Variants in SH2D4B observed in about 807,000 individuals in gnomAD.
SH2D4B encodes SH2 domain-containing protein 4B.
SH2D4B carries 45 observed loss-of-function variants against 61.5 expected under a neutral mutation model. The ratio of observed to expected loss-of-function variants is 0.73; its 90% CI spans 0.58 to 0.94. The LOEUF (loss-of-function observed/expected upper bound fraction) is 0.94, where lower values mean the gene tolerates loss of function less well. Ranked by LOEUF, SH2D4B falls within the 40% of genes least tolerant of loss-of-function variation. The pLI is 0.00. For synonymous variants in SH2D4B, 224 were observed against 220.4 expected (o/e 1.02, Z -0.14); for missense variants, 572 against 574.2 (o/e 1.00, Z 0.04).
Position 80,558,615 on chromosome 10 carries a change from G to T in SH2D4B, c.185-11539G>T, listed in dbSNP as rs893914574. Among the ~76,000 whole-genome samples, 103 of 152,194 alleles carry T rather than the reference G, an allele frequency of 6.8e-4. 1 individual carries two copies. Among genetic ancestry groups the T allele is most frequent in the Admixed American group, 6.5e-3 (99 of 15,272 alleles). On this transcript the variant is annotated intron_variant, in intron 1 of 7. Transcript: ENST00000646907. ...CCCACCTCAGCCTCTCAGTTGCTGG[G>T]ACTACAGGTGCGTACCACCACATAC... is the stretch of plus-strand genomic sequence containing the variant.
At position 80,538,307 on chromosome 10, in the gene SH2D4B, TG is replaced by T. The variant is rs1841531958; in HGVS notation, c.-23del. ...CTGCTTCCCCTGCTGGCTGCCCTTCTGGTGCGTGCATCCCAGGTGGCATCAT... is the reference window on the plus strand; with the variant it reads ...CTGCTTCCCCTGCTGGCTGCCCTTCTGTGCGTGCATCCCAGGTGGCATCAT... On this transcript the variant is annotated 5_prime_UTR_variant, in exon 1 of 8. Coordinates refer to ENST00000646907, the MANE Select transcript of SH2D4B (RefSeq NM_001388272.1). The surrounding 1 kb of genome is among the most constrained non-coding windows in gnomAD (Gnocchi z 4.8). The T allele has an allele frequency of 7.7e-7, 1 of 1,296,698 alleles. No individual in the cohort carries two copies. The highest frequency in any genetic ancestry group is 9.9e-7 in the Non-Finnish European group (1 of 1,013,618). 80.3% of individuals were successfully genotyped at this position (1,296,698 alleles called of 1,614,324 possible). A position where few individuals can be genotyped will look rare whatever the true frequency, so the allele number is the denominator to read the frequency against.
chr10:80,595,662 A>G (rs1564778450), intron 4 of SH2D4B, among the ~76,000 whole-genome samples: 1 of 152,228 alleles, frequency 6.6e-6, no homozygotes, highest in South Asian at 2.1e-4. Flanking sequence ...ATGAAAGCCT[A>G]AGAGATTGTG....
chr10:80,548,726 C>T (rs1283016739), intron 1 of SH2D4B, among the ~76,000 whole-genome samples: 2 of 152,204 alleles, frequency 1.3e-5, no homozygotes, highest in Admixed American at 6.5e-5. Flanking sequence ...GTTCTGCTGG[C>T]AGATCCCCTT....
In SH2D4B at chr10:80,595,888, TG is replaced by T. The variant is rs1272574973; in HGVS notation, c.643+7113del. 2.0e-5 allele frequency among the ~76,000 whole-genome samples: 3 copies of T among 152,220 alleles called. No homozygotes were observed. The East Asian group carries it at 5.8e-4, about 29-fold the overall frequency. On this transcript the variant is annotated intron_variant, in intron 4 of 7. Coordinates refer to ENST00000646907, the MANE Select transcript of SH2D4B (RefSeq NM_001388272.1). ...TTGGAATGAGAATGGAATCACATTA[TG>T]GAATGCATGTGTATGCAGTTGAAAT...
chr10:80,615,515 T>C (rs1294925817), intron 6 of SH2D4B, among the ~76,000 whole-genome samples: 3 of 152,252 alleles, frequency 2.0e-5, no homozygotes, highest in Non-Finnish European at 4.4e-5. Context: ...TTCTTTATTT[T>C]AAATCTCACC....
chr10:80,603,598 T>C lies in SH2D4B; in HGVS notation c.663T>C (p.Ala221=). The change falls in exon 5 of 8, where the codon GCT becomes GCC. Residue 221 remains alanine, a synonymous_variant. Transcript: ENST00000646907. ...WEEQLRRSKA[A]DEERSRRAQR... is the part of the protein sequence containing the mutation. Reference sequence around the variant, plus strand: ...TTCCAGTGCGCCGGTCCAAGGCGGCTGATGAGGAGAGGAGCCGCCGAGCCC... The same window carrying C: ...TTCCAGTGCGCCGGTCCAAGGCGGCCGATGAGGAGAGGAGCCGCCGAGCCC... 1 of 1,565,412 alleles carries C rather than the reference T, an allele frequency of 6.4e-7. No individual in the cohort carries two copies. The highest frequency in any genetic ancestry group is 8.7e-7 in the Non-Finnish European group (1 of 1,154,726).
intron 7 of SH2D4B, among the ~76,000 whole-genome samples, chr10:80,636,422 A>G (rs1216307811): frequency 6.6e-6 from 1 of 152,192 alleles, no homozygotes; most frequent in East Asian, 1.9e-4. Flanking sequence ...CAACAGTGTA[A>G]AAGTGTTCCT....
intron 3 of SH2D4B, among the ~76,000 whole-genome samples, chr10:80,581,621 A>AG (rs1037091827): frequency 2.6e-5 from 4 of 152,182 alleles, no homozygotes; most frequent in Admixed American, 2.0e-4. Flanking sequence ...GCCAAGGAGA[A>AG]GGGCCTCAGC....
chr10:80,630,138 G>T (rs1842813359), intron 6 of SH2D4B, among the ~76,000 whole-genome samples: 1 of 152,224 alleles, frequency 6.6e-6, no homozygotes, highest in African/African-American at 2.4e-5. Context: ...AAGTGAGCCT[G>T]CTCCTGGAGT....
chr10:80,587,623 T>C (rs116385887), intron 3 of SH2D4B, among the ~76,000 whole-genome samples: 1,546 of 152,256 alleles, frequency 0.01, 27 homozygotes, highest in African/African-American at 0.034. Flanking sequence ...CAGAGGTGCA[T>C]GTGCAGGTTT....
chr10:80,592,715 C>CTTT lies in SH2D4B; in HGVS notation c.643+3952_643+3954dup, dbSNP rs60807866. 3.6e-3 allele frequency among the ~76,000 whole-genome samples: 489 copies of CTTT among 134,526 alleles called. 18 individuals carry two copies. Among genetic ancestry groups the CTTT allele is most frequent in the Non-Finnish European group, 3.9e-3 (247 of 63,598 alleles). The allele number at this position is 134,526 out of a possible 152,430, so 88.3% of individuals were successfully genotyped here. On this transcript the variant is annotated intron_variant, in intron 4 of 7. Coordinates refer to ENST00000646907, the MANE Select transcript of SH2D4B (RefSeq NM_001388272.1). ...GTTTCTGTACTCTGTCTCTCTGTCTCTTTTTTTTTTTTTTTTGAGATGGAG... is the reference window on the plus strand; with the variant it reads ...GTTTCTGTACTCTGTCTCTCTGTCTCTTTTTTTTTTTTTTTTTTTGAGATGGAG...
At chr10:80,617,290 G>T (rs1482880700) in intron 6 of SH2D4B, among the ~76,000 whole-genome samples, 1 of 152,194 alleles carries the variant, frequency 6.6e-6, no homozygotes, top group East Asian at 1.9e-4. Context: ...AGCCAACACT[G>T]CCCTGCCTTA....
intron 6 of SH2D4B, among the ~76,000 whole-genome samples, chr10:80,617,178 G>A (rs1773310827): frequency 6.6e-6 from 1 of 152,206 alleles, no homozygotes; most frequent in Non-Finnish European, 1.5e-5. Context: ...CAGGGCACAC[G>A]GTGCTCTGGG....
intron 6 of SH2D4B, among the ~76,000 whole-genome samples, chr10:80,620,686 C>T (rs773148760): frequency 8.5e-5 from 13 of 152,230 alleles, no homozygotes; most frequent in Non-Finnish European, 1.8e-4. Flanking sequence ...GCAAGTAACT[C>T]AGTCTCTCTT....
chr10:80,541,272 A>G (rs1425653799), intron 1 of SH2D4B, among the ~76,000 whole-genome samples: 1 of 152,094 alleles, frequency 6.6e-6, no homozygotes, highest in Non-Finnish European at 1.5e-5. Context: ...GTGGGATTTC[A>G]GCTGTTTTTA....
At chr10:80,608,135 G>T (rs1842541911) in intron 5 of SH2D4B, among the ~76,000 whole-genome samples, 2 of 152,218 alleles carry the variant, frequency 1.3e-5, no homozygotes, top group Non-Finnish European at 2.9e-5. Flanking sequence ...CCAGGACAGT[G>T]AACAGAGAGA....
intron 3 of SH2D4B, among the ~76,000 whole-genome samples, chr10:80,583,293 C>T (rs796307693): frequency 7.2e-6 from 1 of 138,234 alleles, no homozygotes; most frequent in Admixed American, 7.2e-5. Context: ...TTGGAAATTA[C>T]ACGTGATAGC....
At chr10:80,567,755 C>CT (rs1423639275) in intron 1 of SH2D4B, among the ~76,000 whole-genome samples, 3 of 152,178 alleles carry the variant, frequency 2.0e-5, no homozygotes, top group Admixed American at 6.5e-5. Context: ...CTGGATGAGG[C>CT]TTTTTGTCTG....
chr10:80,540,831 C>T (rs542374224), intron 1 of SH2D4B: 7 of 1,550,520 alleles, frequency 4.5e-6, no homozygotes, highest in Admixed American at 2.0e-5. Context: ...AGCAGCCGTG[C>T]CGTGTCCCAG....
Sources: gnomAD v4.1 joint callset for allele counts (sites outside exome capture counted in the v4.1 genomes callset) on GRCh38, gnomAD v4.1.1 for gene constraint, Gnocchi (gnomAD v3.1) non-coding constraint, MANE v1.5 for transcripts, NCBI Gene and HGNC (gene_info 2026-07-23, HGNC 2026-07-21) for gene names.